ING3: variants seen among roughly 807,000 people sequenced by gnomAD.
ING3 encodes inhibitor of growth protein 3.
ING3 carries 6 observed loss-of-function variants against 64.8 expected under a neutral mutation model. The observed-to-expected ratio is 0.09, with a 90% CI of 0.05 to 0.18. The LOEUF is 0.18. Ranked by LOEUF, ING3 falls within the 10% of genes least tolerant of loss-of-function variation. The pLI is 1.00. For synonymous variants in ING3, 170 were observed against 173.7 expected (o/e 0.98, Z 0.17); for missense variants, 310 against 489.7 (o/e 0.63, Z 3.46).
intron 4 of ING3, among the ~76,000 whole-genome samples, chr7:120,958,658 T>C (rs1795886134): frequency 6.6e-6 from 1 of 152,236 alleles, no homozygotes; most frequent in East Asian, 1.9e-4. Flanking sequence ...TTAGGGCATG[T>C]TTTTACTTGC....
chr7:120,974,702 T>G, intron 11 of ING3, 26 bp from the exon 12 acceptor site: 1 of 1,435,588 alleles, frequency 7.0e-7, no homozygotes, highest in Non-Finnish European at 9.8e-7. Context: ...TACTGAAAAC[T>G]TGTTTTTTGC....
In ING3 at chr7:120,958,819, C is replaced by T. The variant is rs954882046; in HGVS notation, c.267+3195C>T. ...AATCTAATATAAATCGTGTCGTGAC[C>T]GTGACTCTGCTTTAGCTAGTGTAGT... On this transcript the variant is annotated intron_variant, in intron 4 of 11. Transcript: ENST00000315870. Among the ~76,000 whole-genome samples, 5 of 152,160 alleles carry T rather than the reference C, an allele frequency of 3.3e-5. No individual in the cohort carries two copies. The East Asian group carries it at 7.7e-4, about 23-fold the overall frequency.
chr7:120,966,567 A>G (rs893209371), intron 5 of ING3, 59 bp from the exon 6 acceptor site: 2 of 1,263,302 alleles, frequency 1.6e-6, no homozygotes, highest in African/African-American at 1.5e-5. Context: ...GTTGAGTGAC[A>G]TGTGAAGTTC....
In ING3 at chr7:120,964,052, A is replaced by G. The variant is rs531549145; in HGVS notation, c.268-690A>G. On this transcript the variant is annotated intron_variant, in intron 4 of 11. Coordinates refer to ENST00000315870, the MANE Select transcript of ING3 (RefSeq NM_019071.3). Reference sequence around the variant, plus strand: ...ATTTTTTGTTAGTTTGAAGTGTCATATAATTTTCTGAAATTAGTCAAAAGA... The same window carrying G: ...ATTTTTTGTTAGTTTGAAGTGTCATGTAATTTTCTGAAATTAGTCAAAAGA... 4.0e-5 allele frequency among the ~76,000 whole-genome samples: 6 copies of G among 151,750 alleles called. No homozygotes were observed. The South Asian group carries it at 1.2e-3, about 31-fold the overall frequency.
At chr7:120,957,270 G>A (rs952663808) in intron 4 of ING3, among the ~76,000 whole-genome samples, 1 of 152,098 alleles carries the variant, frequency 6.6e-6, no homozygotes, top group Middle Eastern at 3.2e-3. Flanking sequence ...TACTCGGGAG[G>A]CCGAGACAGG....
intron 7 of ING3, 77 bp from the exon 8 acceptor site, chr7:120,967,857 T>C (rs1796016179): frequency 6.9e-7 from 1 of 1,446,848 alleles, no homozygotes; most frequent in Non-Finnish European, 9.6e-7. Context: ...ATGTCTGTGC[T>C]GGGAAATAAT....
chr7:120,956,186 C>G, intron 4 of ING3: 1 of 1,608,170 alleles, frequency 6.2e-7, no homozygotes, highest in Non-Finnish European at 8.5e-7. Flanking sequence ...TTGAAAACAC[C>G]AAGAAGATAG....
At chr7:120,956,600 A>T (rs1020466429) in intron 4 of ING3, 2 of 989,012 alleles carry the variant, frequency 2.0e-6, no homozygotes, top group African/African-American at 1.7e-5. Flanking sequence ...TCTTTTGTTC[A>T]TAGAGTTATT....
chr7:120,966,671 A>G lies in ING3; in HGVS notation c.410A>G (p.His137Arg), dbSNP rs1381234660. ...DTPSQPVNNH[H>R]AHSHTPVEKR... ...CCTTCACAGCCAGTGAACAATCACCATGCTCATTCACATACTCCAGTGGAA... is the reference window on the plus strand; with the variant it reads ...CCTTCACAGCCAGTGAACAATCACCGTGCTCATTCACATACTCCAGTGGAA... Residue 137 changes from histidine to arginine, a missense_variant, in exon 6 of 12, where the codon CAT (histidine) becomes CGT (arginine). This residue lies in a region of ING3 where 233 missense variants were observed against 289.4 expected (regional missense o/e 0.81). Coordinates refer to ENST00000315870, the MANE Select transcript of ING3 (RefSeq NM_019071.3). The G allele has an allele frequency of 2.5e-6, 4 of 1,613,694 alleles. No individual in the cohort carries two copies. The highest frequency in any genetic ancestry group is 1.1e-5 in the South Asian group (1 of 91,076).
At chr7:120,964,692 T>C in intron 4 of ING3, 50 bp from the exon 5 acceptor site, 1 of 1,446,276 alleles carries the variant, frequency 6.9e-7, no homozygotes, top group Non-Finnish European at 9.7e-7. Flanking sequence ...AGCTGACACT[T>C]TAACAGTGTC....
At chr7:120,951,087 CT>C (rs747705476) in intron 1 of ING3, 76 bp from the exon 2 acceptor site, 22 of 1,562,538 alleles carry the variant, frequency 1.4e-5, no homozygotes, top group East Asian at 2.2e-5. Flanking sequence ...CTCGACCCCC[CT>C]GACGCACGCG....
intron 3 of ING3, 98 bp from the exon 4 acceptor site, chr7:120,955,461 G>A (rs1023967743): frequency 2.5e-6 from 2 of 805,610 alleles, no homozygotes; most frequent in Admixed American, 4.8e-5. Flanking sequence ...GGATGACTGT[G>A]ATAACAAGAT....
rs1018872811 is a variant in ING3 at position 120,975,618 on chromosome 7, C to T, written c.*774C>T. ...TTTGTGCAAGTAATCCTTAAAATTG[C>T]AATTGTATTAGGTGTTAAAATAAAG... On this transcript the variant is annotated 3_prime_UTR_variant, in exon 12 of 12. Transcript: ENST00000315870. 2 of 152,000 alleles carry T rather than the reference C, an allele frequency of 1.3e-5. No individual in the cohort carries two copies. The highest frequency in any genetic ancestry group is 4.8e-5 in the African/African-American group (2 of 41,372). 9.4% of individuals were successfully genotyped at this position (152,000 alleles called of 1,614,324 possible).
rs749714240 is a variant in ING3, at chr7:120,969,029, A to T, written c.733A>T (p.Thr245Ser). ...ATTTAAGATGAAGGAGGGACGAAGAACATCAAGTTTAAAAGCCAGTTATGA... is the reference window on the plus strand; with the variant it reads ...ATTTAAGATGAAGGAGGGACGAAGATCATCAAGTTTAAAAGCCAGTTATGA... ...ATAQMKEGRR[T>S]SSLKASYEAF... The change falls in exon 9 of 12, where the codon ACA (threonine) becomes TCA (serine). Residue 245 changes from threonine to serine, a missense_variant. This residue lies in a region of ING3 where 233 missense variants were observed against 289.4 expected (regional missense o/e 0.81). Transcript: ENST00000315870. 6.2e-7 allele frequency: 1 copy of T among 1,612,752 alleles called. No homozygotes were observed. The highest frequency in any genetic ancestry group is 1.7e-5 in the Admixed American group (1 of 59,920).
rs1176892065 is a variant in ING3 at position 120,975,776 on chromosome 7, T to G, written c.*932T>G. The G allele has an allele frequency of 2.0e-5, 3 of 152,224 alleles. No homozygotes were observed. The highest frequency in any genetic ancestry group is 7.2e-5 in the African/African-American group (3 of 41,470). The allele number at this position is 152,224 out of a possible 1,614,324, so 9.4% of individuals were successfully genotyped here. A position where few individuals can be genotyped will look rare whatever the true frequency, so the allele number is the denominator to read the frequency against. On this transcript the variant is annotated 3_prime_UTR_variant, in exon 12 of 12. Transcript: ENST00000315870. ...ACACAGAATACTGTGTAATCTGTGA[T>G]GTCTTTAATGATGTTTAGAGTTTGT...
intron 9 of ING3, 69 bp downstream of exon 9, chr7:120,969,273 G>C: frequency 8.1e-7 from 1 of 1,228,948 alleles, no homozygotes; most frequent in Non-Finnish European, 1.1e-6. Flanking sequence ...CTTCAGCCAG[G>C]CCTCTCTATG....
Position 120,966,640 on chromosome 7 carries a change from G to C in ING3, c.379G>C (p.Asp127His), listed in dbSNP as rs1193501935. ...EILERRSLELDTPSQPVNNHH... is the reference protein window; with the variant it reads ...EILERRSLELHTPSQPVNNHH... The stretch of plus-strand genomic sequence containing the variant: ...TCTTCTTTTAGGATCTTTGGAATTA[G>C]ACACTCCTTCACAGCCAGTGAACAA... Residue 127 changes from aspartate (D) to histidine (H), a missense_variant, in exon 6 of 12, where the codon GAC becomes CAC. Physicochemically the swap from Asp to His is moderately conservative, Grantham distance 81. Transcript: ENST00000315870. 6.2e-7 allele frequency: 1 copy of C among 1,612,962 alleles called. No individual in the cohort carries two copies. Among genetic ancestry groups the C allele is most frequent in the African/African-American group, 1.3e-5 (1 of 74,884 alleles).
intron 4 of ING3, among the ~76,000 whole-genome samples, chr7:120,960,307 C>T (rs1034876655): frequency 5.9e-5 from 9 of 152,130 alleles, no homozygotes; most frequent in Middle Eastern, 3.4e-3. Flanking sequence ...GGGGGCCTTG[C>T]GAGCCAGTCT....
intron 9 of ING3, 34 bp from the exon 10 acceptor site, chr7:120,970,654 G>A (rs2116688611): frequency 6.2e-7 from 1 of 1,606,748 alleles, no homozygotes; most frequent in South Asian, 1.1e-5. Flanking sequence ...ACTTCTGGAT[G>A]GTGAGCAAAT....
Sources: allele counts gnomAD v4.1 joint callset (sites outside exome capture counted in the v4.1 genomes callset), GRCh38; gene constraint gnomAD v4.1.1; regional missense constraint gnomAD v4.1.1; transcripts MANE v1.5; gene names NCBI Gene and HGNC (gene_info 2026-07-23, HGNC 2026-07-21).